The following ERC1 variants were observed in gnomAD, a reference collection of about 807,000 sequenced individuals.
ERC1 encodes the protein RAB6 interacting protein 2.
A neutral mutation model predicts 132.0 loss-of-function variants in ERC1; 56 were observed. The observed-to-expected ratio is 0.42, with a 90% CI of 0.34 to 0.53. The LOEUF is 0.53. Ranked by LOEUF, ERC1 falls within the 20% of genes least tolerant of loss-of-function variation. ERC1 has a pLI of 0.03. For missense variants in ERC1, 1,202 were observed against 1,349.9 expected (o/e 0.89, Z 1.72); for synonymous variants, 478 against 476.1 (o/e 1.00, Z -0.05).
intron 15 of ERC1, among the ~76,000 whole-genome samples, chr12:1,367,945 A>G (rs943537814): frequency 3.0e-4 from 39 of 128,444 alleles, no homozygotes; most frequent in African/African-American, 1.2e-3. Context: ...TCGTGTCCAC[A>G]TTTTCCTTTT....
At chr12:1,442,938 C>T (rs1007562978) in intron 17 of ERC1, among the ~76,000 whole-genome samples, 4 of 152,052 alleles carry the variant, frequency 2.6e-5, no homozygotes, top group Admixed American at 2.0e-4. Flanking sequence ...GAGACAGTCT[C>T]GCTCTATCGC....
chr12:1,028,084 T>A lies in ERC1; in HGVS notation c.181T>A (p.Ser61Thr). 2 of 1,614,148 alleles carry A rather than the reference T, an allele frequency of 1.2e-6. No individual in the cohort carries two copies. Residue 61 changes from serine to threonine, a missense_variant, in exon 2 of 19, where the codon TCT (serine) becomes ACT (threonine). Coordinates refer to ENST00000360905, the MANE Select transcript of ERC1 (RefSeq NM_178040.4). ...AACCCTTTCAATGGAAAATATACAA[T>A]CTTTAAATGCTGCCTATGCCACCTC... is the stretch of plus-strand genomic sequence containing the variant. The part of the protein sequence containing the change: ...GKTLSMENIQ[S>T]LNAAYATSGP...
At chr12:1,374,755 C>A (rs2087671286) in intron 16 of ERC1, among the ~76,000 whole-genome samples, 1 of 150,808 alleles carries the variant, frequency 6.6e-6, no homozygotes, top group Admixed American at 6.6e-5. Flanking sequence ...GGTGTGAAAT[C>A]TGGCTCTGCC....
intron 18 of ERC1, among the ~76,000 whole-genome samples, chr12:1,453,374 A>G (rs1400558262): frequency 1.3e-5 from 2 of 152,170 alleles, no homozygotes; most frequent in African/African-American, 4.8e-5. Context: ...TTTTGTACCA[A>G]TTCTCTAGCC....
At chr12:1,212,730 C>T (rs1957995541) in intron 12 of ERC1, among the ~76,000 whole-genome samples, 1 of 152,138 alleles carries the variant, frequency 6.6e-6, no homozygotes, top group African/African-American at 2.4e-5. Context: ...AGATTGACTC[C>T]CAGGTTACAC....
rs1043237501 is a variant in ERC1 at position 1,394,148 on chromosome 12, C to T, written c.2926-14001C>T. Reference sequence around the variant, plus strand: ...GGGCACAGTGGCTCACACCTGTAATCCCAGCACTTTGGGAGGCCAAGGCGG... The same window carrying T: ...GGGCACAGTGGCTCACACCTGTAATTCCAGCACTTTGGGAGGCCAAGGCGG... On this transcript the variant is annotated intron_variant, in intron 16 of 18. Transcript: ENST00000360905. 5.9e-5 allele frequency among the ~76,000 whole-genome samples: 9 copies of T among 151,654 alleles called. No individual in the cohort carries two copies. The East Asian group carries it at 1.8e-3, about 30-fold the overall frequency.
chr12:1,154,223 GTATATGTA>G (rs1951111269), intron 8 of ERC1, among the ~76,000 whole-genome samples: 1 of 71,696 alleles, frequency 1.4e-5, no homozygotes, highest in African/African-American at 7.8e-5. Context: ...GTATGTATAT[GTATATGTA>G]TATGTATATG....
intron 2 of ERC1, among the ~76,000 whole-genome samples, chr12:1,053,680 G>C (rs553236415): frequency 1.3e-5 from 2 of 151,982 alleles, no homozygotes; most frequent in African/African-American, 4.8e-5. Context: ...TTCCTTCTTG[G>C]ACTATTTGTT....
intron 17 of ERC1, among the ~76,000 whole-genome samples, chr12:1,424,585 G>T (rs146804563): frequency 3.3e-5 from 5 of 152,122 alleles, no homozygotes; most frequent in African/African-American, 1.2e-4. Context: ...TCAAGGCAGT[G>T]GTGTCTTAAC....
At chr12:1,049,639 C>G (rs764202965) in intron 2 of ERC1, among the ~76,000 whole-genome samples, 1 of 151,886 alleles carries the variant, frequency 6.6e-6, no homozygotes, top group Non-Finnish European at 1.5e-5. Context: ...CTAACCATGC[C>G]ACAATATATA....
intron 15 of ERC1, among the ~76,000 whole-genome samples, chr12:1,301,921 G>A (rs1198057472): frequency 1.3e-5 from 2 of 152,136 alleles, no homozygotes; most frequent in South Asian, 4.1e-4. Flanking sequence ...TCTACCAAAT[G>A]TTTAAGCAAG....
At chr12:1,115,723 T>C (rs1007985841) in intron 6 of ERC1, 143 bp from the exon 7 acceptor site, 2 of 665,870 alleles carry the variant, frequency 3.0e-6, no homozygotes, top group Non-Finnish European at 4.8e-6. Flanking sequence ...CAAGGTTATG[T>C]CATGCAAAAA....
chr12:1,463,697 CTGTG>C lies in ERC1; in HGVS notation c.3213+18979_3213+18982del, dbSNP rs57210462. ...GAAGAGAGGGGTTGGGGTGCTAAGA[CTGTG>C]TGTGTGTGTGTGTGTGTGTGTGTGT... On this transcript the variant is annotated intron_variant, in intron 18 of 18. Transcript: ENST00000360905. 1.4e-3 allele frequency among the ~76,000 whole-genome samples: 186 copies of C among 136,080 alleles called. 2 individuals are homozygous for C. Among genetic ancestry groups the C allele is most frequent in the East Asian group, 3.4e-3 (16 of 4,720 alleles). The allele number at this position is 136,080 out of a possible 152,430, so 89.3% of individuals were successfully genotyped here.
At chr12:1,149,070 A>T (rs188476549) in intron 8 of ERC1, among the ~76,000 whole-genome samples, 23 of 151,870 alleles carry the variant, frequency 1.5e-4, no homozygotes, top group Non-Finnish European at 2.4e-4. Flanking sequence ...GATAGCTTTA[A>T]ATTTAGTATC....
At chr12:1,472,848 A>G (rs1266581873) in intron 18 of ERC1, among the ~76,000 whole-genome samples, 1 of 152,224 alleles carries the variant, frequency 6.6e-6, no homozygotes, top group African/African-American at 2.4e-5. Flanking sequence ...AAGTAATTAC[A>G]TACTTGAGTT....
intron 2 of ERC1, among the ~76,000 whole-genome samples, chr12:1,046,964 T>C (rs530235565): frequency 6.6e-6 from 1 of 152,340 alleles, no homozygotes; most frequent in Admixed American, 6.5e-5. Flanking sequence ...AGTAGCCTTA[T>C]TCTATAGTTG....
At chr12:1,487,843 G>C (rs187273112) in intron 18 of ERC1, among the ~76,000 whole-genome samples, 3 of 151,060 alleles carry the variant, frequency 2.0e-5, no homozygotes, top group Non-Finnish European at 4.4e-5. Flanking sequence ...GAAAAGAAAG[G>C]AAAGAGAGAA....
chr12:1,140,138 T>C (rs1167952732), intron 7 of ERC1, among the ~76,000 whole-genome samples: 1 of 152,168 alleles, frequency 6.6e-6, no homozygotes, highest in Non-Finnish European at 1.5e-5. Flanking sequence ...GAGTGAACTA[T>C]GGTTTATCTA....
At chr12:1,334,194 C>T (rs2083118402) in intron 15 of ERC1, among the ~76,000 whole-genome samples, 1 of 152,038 alleles carries the variant, frequency 6.6e-6, no homozygotes, top group Non-Finnish European at 1.5e-5. Flanking sequence ...AGGTTGTATA[C>T]TGTTGAAAGT....
Sources: gnomAD v4.1 joint callset for allele counts (sites outside exome capture counted in the v4.1 genomes callset) on GRCh38, gnomAD v4.1.1 for gene constraint, MANE v1.5 for transcripts, NCBI Gene and HGNC (gene_info 2026-07-23, HGNC 2026-07-21) for gene names.